Variants in AAK1 observed in about 807,000 individuals in gnomAD.
AAK1 encodes the protein AP2 associated kinase 1.
In AAK1, 37 loss-of-function variants were observed where a neutral mutation model predicts 116.0. That is an observed-to-expected ratio of 0.32 (90% CI 0.25 to 0.42). AAK1 has a LOEUF of 0.42. Ranked by LOEUF, AAK1 falls within the 10% of genes least tolerant of loss-of-function variation. The pLI is 1.00. For missense variants in AAK1, 919 were observed against 1,170.6 expected, an observed-to-expected ratio of 0.79 and a Z score of 3.14; for synonymous variants, 458 against 439.9, an observed-to-expected ratio of 1.04 and a Z score of -0.51.
intron 5 of AAK1, among the ~76,000 whole-genome samples, chr2:69,537,294 T>C (rs1313102782): frequency 6.6e-6 from 1 of 152,256 alleles, no homozygotes; most frequent in Admixed American, 6.5e-5. Context: ...AGAACAGCAC[T>C]TCTGCTATGG....
intron 2 of AAK1, among the ~76,000 whole-genome samples, chr2:69,558,043 CA>C (rs1671460342): frequency 6.6e-6 from 1 of 152,114 alleles, no homozygotes; most frequent in African/African-American, 2.4e-5. Flanking sequence ...GTTCACAATT[CA>C]TTAACAGAAA....
rs778479356 is a variant in AAK1, at chr2:69,519,114, G to T, written c.1337C>A (p.Pro446His). Residue 446 changes from proline (P) to histidine (H), a missense_variant, in exon 12 of 22, where the codon CCT becomes CAT. Around this residue, in one of 4 missense-constraint regions of AAK1, gnomAD observed 214 missense variants for 210.6 expected, o/e 1.02. Coordinates refer to ENST00000409085, the MANE Select transcript of AAK1 (RefSeq NM_014911.5). Reference protein sequence around the residue: ...PQAPPTPQQTPSTQAQGLPAQ... With the variant: ...PQAPPTPQQTHSTQAQGLPAQ... Reference sequence around the variant, plus strand: ...GGGCAGACCCTGGGCCTGAGTAGAAGGCGTCTGCTGTGGAGTGGGAGGAGC... The same window carrying T: ...GGGCAGACCCTGGGCCTGAGTAGAATGCGTCTGCTGTGGAGTGGGAGGAGC... 6.8e-5 allele frequency: 106 copies of T among 1,556,188 alleles called. No individual in the cohort carries two copies. Among genetic ancestry groups the T allele is most frequent in the Non-Finnish European group, 8.7e-5 (100 of 1,149,368 alleles).
chr2:69,490,972 G>A (rs1234257906), intron 17 of AAK1, among the ~76,000 whole-genome samples: 1 of 151,342 alleles, frequency 6.6e-6, no homozygotes, highest in Non-Finnish European at 1.5e-5. Context: ...GTCTCACTCT[G>A]TCACACCCAG....
At chr2:69,480,213 T>C (rs1207527298) in intron 19 of AAK1, among the ~76,000 whole-genome samples, 1 of 151,248 alleles carries the variant, frequency 6.6e-6, no homozygotes, top group Non-Finnish European at 1.5e-5. Flanking sequence ...TCTAATTGTT[T>C]CTATCCAAGT....
chr2:69,638,169 C>T (rs1172147899), intron 2 of AAK1, among the ~76,000 whole-genome samples: 6 of 152,180 alleles, frequency 3.9e-5, no homozygotes, highest in Non-Finnish European at 5.9e-5. Flanking sequence ...TTGGTGTTTG[C>T]GTCAAGAGAA....
chr2:69,579,901 T>A (rs1672472367), intron 2 of AAK1, among the ~76,000 whole-genome samples: 1 of 152,154 alleles, frequency 6.6e-6, no homozygotes, highest in South Asian at 2.1e-4. Flanking sequence ...GATAAACATT[T>A]CCACTTGTAA....
Position 69,592,556 on chromosome 2 carries a change from A to G in AAK1, c.164-35578T>C, listed in dbSNP as rs193123241. 1.2e-4 allele frequency among the ~76,000 whole-genome samples: 19 copies of G among 152,376 alleles called. 1 individual carries two copies. The South Asian group carries it at 2.3e-3, about 18-fold the overall frequency. ...ACTTTGGAGGTAGAGATGGTTTTCT[A>G]TAAACATAACATGAAAAGAGTAACC... On this transcript the variant is annotated intron_variant, in intron 2 of 21. Transcript: ENST00000409085.
chr2:69,584,744 G>A (rs1672691121), intron 2 of AAK1, among the ~76,000 whole-genome samples: 1 of 152,198 alleles, frequency 6.6e-6, no homozygotes, highest in Non-Finnish European at 1.5e-5. Flanking sequence ...GTCTCAGTAA[G>A]ATCCCAGGTC....
intron 17 of AAK1, among the ~76,000 whole-genome samples, chr2:69,492,078 C>T (rs1009743649): frequency 2.0e-5 from 3 of 152,114 alleles, no homozygotes; most frequent in Non-Finnish European, 4.4e-5. Flanking sequence ...GAGGGCGTTA[C>T]TTGACATTAT....
intron 10 of AAK1, among the ~76,000 whole-genome samples, chr2:69,524,167 T>A (rs1269575224): frequency 1.3e-5 from 2 of 152,090 alleles, no homozygotes; most frequent in Non-Finnish European, 2.9e-5. Flanking sequence ...CCATAGAAAG[T>A]AAGAAGGAAA....
In AAK1 at chr2:69,467,614, T is replaced by A; in HGVS notation, c.*8255A>T. ...ACCAGGATAAGAATATTAGATACAA[T>A]GATTTGGAGCCATAGATGACCCAGA... On this transcript the variant is annotated 3_prime_UTR_variant, in exon 22 of 22. Coordinates refer to ENST00000409085, the MANE Select transcript of AAK1 (RefSeq NM_014911.5). 1.0e-6 allele frequency: 1 copy of A among 985,338 alleles called. No homozygotes were observed. Among genetic ancestry groups the A allele is most frequent in the Non-Finnish European group, 1.2e-6 (1 of 829,860 alleles). The allele number at this position is 985,338 out of a possible 1,614,324, so 61.0% of individuals were successfully genotyped here. A position where few individuals can be genotyped will look rare whatever the true frequency, so the allele number is the denominator to read the frequency against.
chr2:69,518,319 G>GA (rs1204049620), intron 12 of AAK1, among the ~76,000 whole-genome samples: 2 of 150,120 alleles, frequency 1.3e-5, no homozygotes, highest in African/African-American at 4.9e-5. Context: ...TTGATAATAA[G>GA]AAACTATTGT....
intron 2 of AAK1, among the ~76,000 whole-genome samples, chr2:69,628,531 A>G (rs1374843832): frequency 1.3e-5 from 2 of 152,164 alleles, no homozygotes; most frequent in Non-Finnish European, 2.9e-5. Flanking sequence ...CCTATCTCAT[A>G]CAGTTGTTCA....
intron 2 of AAK1, among the ~76,000 whole-genome samples, chr2:69,581,636 A>G (rs548316416): frequency 9.8e-5 from 15 of 152,306 alleles, no homozygotes; most frequent in African/African-American, 3.4e-4. Flanking sequence ...TACATTTATG[A>G]TAACAGGTTG....
At chr2:69,614,351 G>GT (rs776999444) in intron 2 of AAK1, among the ~76,000 whole-genome samples, 4 of 152,152 alleles carry the variant, frequency 2.6e-5, no homozygotes, top group Non-Finnish European at 5.9e-5. Flanking sequence ...AGGGACAGGT[G>GT]TAACAGCTGG....
intron 14 of AAK1, among the ~76,000 whole-genome samples, chr2:69,507,893 G>T (rs1026413116): frequency 3.3e-5 from 5 of 152,072 alleles, no homozygotes; most frequent in African/African-American, 1.2e-4. Flanking sequence ...TTTTAGTAGA[G>T]ACAAGGTTTC....
intron 2 of AAK1, among the ~76,000 whole-genome samples, chr2:69,609,141 C>T (rs530102021): frequency 3.2e-4 from 49 of 152,318 alleles, no homozygotes; most frequent in African/African-American, 1.2e-3. Context: ...GCAGGCGGAT[C>T]ACTTGAGGTC....
At chr2:69,642,164 G>A (rs962892818) in intron 2 of AAK1, among the ~76,000 whole-genome samples, 4 of 151,656 alleles carry the variant, frequency 2.6e-5, no homozygotes, top group Non-Finnish European at 4.4e-5. Context: ...CTCTGATAGC[G>A]AAAAAACAAA....
intron 16 of AAK1, among the ~76,000 whole-genome samples, chr2:69,505,052 A>G (rs1434983685): frequency 6.6e-6 from 1 of 151,636 alleles, no homozygotes; most frequent in Non-Finnish European, 1.5e-5. Flanking sequence ...ATTTAAAAAA[A>G]CCTCCCTCCT....
Sources: allele counts gnomAD v4.1 joint callset (sites outside exome capture counted in the v4.1 genomes callset), GRCh38; gene constraint gnomAD v4.1.1; regional missense constraint gnomAD v4.1.1; transcripts MANE v1.5; gene names NCBI Gene and HGNC (gene_info 2026-07-23, HGNC 2026-07-21).